Variants in GRIN2D observed in about 807,000 individuals in gnomAD.
GRIN2D encodes glutamate ionotropic receptor NMDA type subunit 2D.
A neutral mutation model predicts 103.2 loss-of-function variants in GRIN2D; 37 were observed. The ratio of observed to expected loss-of-function variants is 0.36; its 90% confidence interval spans 0.28 to 0.47. GRIN2D has a LOEUF of 0.47. Ranked by LOEUF, GRIN2D falls within the 20% of genes least tolerant of loss-of-function variation. The pLI, the probability that GRIN2D is intolerant of heterozygous loss-of-function variation, is 1.00. For missense variants in GRIN2D, 1,557 were observed against 1,910.6 expected, an observed-to-expected ratio of 0.81 and a Z score of 3.45; for synonymous variants, 845 against 885.6, an observed-to-expected ratio of 0.95 and a Z score of 0.81.
Position 48,442,913 on chromosome 19 carries a change from C to G in GRIN2D, c.2987C>G (p.Ala996Gly). The G allele has an allele frequency of 9.0e-7, 1 of 1,108,646 alleles. No individual in the cohort carries two copies. Among genetic ancestry groups the G allele is most frequent in the African/African-American group, 1.7e-5 (1 of 59,230 alleles). 68.7% of individuals were successfully genotyped at this position (1,108,646 alleles called of 1,614,324 possible). The change falls in exon 14 of 14, where the codon GCC becomes GGC. Residue 996 changes from alanine (A) to glycine (G), a missense_variant. Physicochemically the swap from Ala to Gly is moderately conservative, Grantham distance 60. Coordinates refer to ENST00000263269, the MANE Select transcript of GRIN2D (RefSeq NM_000836.4). The surrounding 1 kb of genome is among the most constrained non-coding windows in gnomAD (Gnocchi z 7.2). ...GCCGGGCGCCCGCTGTCCCCGCCGGCCGCTCAGCCCCCGCAGAAGCCGCCG... is the reference window on the plus strand; with the variant it reads ...GCCGGGCGCCCGCTGTCCCCGCCGGGCGCTCAGCCCCCGCAGAAGCCGCCG... Reference protein sequence around the residue: ...GAAGRPLSPPAAQPPQKPPPS... With the variant: ...GAAGRPLSPPGAQPPQKPPPS...
At chr19:48,415,912 G>A in intron 7 of GRIN2D, 90 bp from the exon 8 acceptor site, 1 of 1,192,300 alleles carries the variant, frequency 8.4e-7, no homozygotes, top group Non-Finnish European at 1.2e-6. Flanking sequence ...TCACTGGTCT[G>A]CTCCCGGGGC....
rs1305452751 is a variant in GRIN2D at position 48,421,952 on chromosome 19, G to A, written c.2252+7G>A. Reference sequence around the variant, plus strand: ...TCACTCAGCTCAAGGCAGGGTCAGCGCAGACTCGGGCCGGGGGTGGGGGTT... The same window carrying A: ...TCACTCAGCTCAAGGCAGGGTCAGCACAGACTCGGGCCGGGGGTGGGGGTT... On this transcript the variant is annotated splice_region_variant and intron_variant, in intron 11 of 13. Coordinates refer to ENST00000263269, the MANE Select transcript of GRIN2D (RefSeq NM_000836.4). This position sits in a 1 kb window ranked among gnomAD's most constrained non-coding sequence, Gnocchi z 4.8. 8 of 1,612,788 alleles carry A rather than the reference G, an allele frequency of 5.0e-6. No individual in the cohort carries two copies. The highest frequency in any genetic ancestry group is 4.5e-5 in the East Asian group (2 of 44,860).
intron 11 of GRIN2D, among the ~76,000 whole-genome samples, chr19:48,438,287 CTTTTTTTTTT>C (rs71181697): frequency 3.8e-4 from 22 of 57,754 alleles, no homozygotes; most frequent in Admixed American, 1.7e-3. Context: ...ATCCAGCCGC[CTTTTTTTTTT>C]TTTTTTTTTT....
chr19:48,405,081 C>T lies in GRIN2D; in HGVS notation c.813C>T (p.Val271=). Residue 271 remains valine (V), a synonymous_variant, in exon 4 of 14, where the codon GTC becomes GTT. Coordinates refer to ENST00000263269, the MANE Select transcript of GRIN2D (RefSeq NM_000836.4). The surrounding 1 kb of genome is among the most constrained non-coding windows in gnomAD (Gnocchi z 5.1). The stretch of plus-strand genomic sequence containing the variant: ...CTGGCCTCACTGGATCTGGCTACGT[C>T]TGGTTCATGGTGGGGCCCCAGCTGG... ...EEAGLTGSGY[V]WFMVGPQLAG... 3.1e-6 allele frequency: 5 copies of T among 1,600,928 alleles called. No individual in the cohort carries two copies. The highest frequency in any genetic ancestry group is 4.3e-6 in the Non-Finnish European group (5 of 1,173,294).
rs537080380 is a variant in GRIN2D at position 48,441,277 on chromosome 19, C to T, written c.2253-492C>T. 2.2e-3 allele frequency among the ~76,000 whole-genome samples: 324 copies of T among 149,894 alleles called. 2 individuals carry two copies. Among genetic ancestry groups the T allele is most frequent in the South Asian group, 0.013 (62 of 4,742 alleles). On this transcript the variant is annotated intron_variant, in intron 11 of 13. Coordinates refer to ENST00000263269, the MANE Select transcript of GRIN2D (RefSeq NM_000836.4). ...ACTTGGGAGGCTGAGGCAGGAGAAT[C>T]GCTTGAACCCAGGAGTCGGATCTTG...
Position 48,424,111 on chromosome 19 carries a change from G to A in GRIN2D, c.2252+2166G>A, listed in dbSNP as rs201918243. 2.6e-5 allele frequency among the ~76,000 whole-genome samples: 4 copies of A among 150,952 alleles called. No individual in the cohort carries two copies. The East Asian group carries it at 7.8e-4, about 29-fold the overall frequency. ...TGGGATTAGAGGCGTGAGCCACCAT[G>A]CCTGGCTTAAAAAAATTTCTAATGC... On this transcript the variant is annotated intron_variant, in intron 11 of 13. Transcript: ENST00000263269.
chr19:48,423,593 C>G (rs75624060), intron 11 of GRIN2D, among the ~76,000 whole-genome samples: 1,526 of 151,812 alleles, frequency 0.01, 22 homozygotes, highest in African/African-American at 0.035. Flanking sequence ...AGCCTTCAGA[C>G]GGAGGGAACA....
In GRIN2D at chr19:48,443,646, C is replaced by A. The variant is rs1971338008; in HGVS notation, c.3720C>A (p.His1240Gln). The A allele has an allele frequency of 9.0e-7, 1 of 1,111,112 alleles. No individual in the cohort carries two copies. Among genetic ancestry groups the A allele is most frequent in the Non-Finnish European group, 1.1e-6 (1 of 914,506 alleles). 68.8% of individuals were successfully genotyped at this position (1,111,112 alleles called of 1,614,324 possible). A position where few individuals can be genotyped will look rare whatever the true frequency, so the allele number is the denominator to read the frequency against. Reference sequence around the variant, plus strand: ...ACCCGCACCGCCCGCGGGCCTCGCACCGCACGCCCGCCGCCGCCGCGCCCC... The same window carrying A: ...ACCCGCACCGCCCGCGGGCCTCGCAACGCACGCCCGCCGCCGCCGCGCCCC... ...RSHPHRPRAS[H>Q]RTPAAAAPHH... The change falls in exon 14 of 14, where the codon CAC becomes CAA. Residue 1240 changes from histidine to glutamine, a missense_variant. Transcript: ENST00000263269. This position sits in a 1 kb window ranked among gnomAD's most constrained non-coding sequence, Gnocchi z 8.9.
chr19:48,429,113 C>T (rs537047805), intron 11 of GRIN2D, among the ~76,000 whole-genome samples: 2 of 152,190 alleles, frequency 1.3e-5, no homozygotes, highest in Non-Finnish European at 2.9e-5. Flanking sequence ...CTGCTGAATT[C>T]TTTTTCTCCA....
chr19:48,398,878 G>C (rs1400508105), intron 3 of GRIN2D, 21 bp downstream of exon 3: 4 of 1,321,626 alleles, frequency 3.0e-6, no homozygotes, highest in Non-Finnish European at 2.9e-6. Context: ...CCGGGGCGGG[G>C]CGGGGCCACA....
rs1050095610 is a variant in GRIN2D, at chr19:48,410,074, T to C, written c.1086-3917T>C. On this transcript the variant is annotated intron_variant, in intron 4 of 13. Coordinates refer to ENST00000263269, the MANE Select transcript of GRIN2D (RefSeq NM_000836.4). ...TGCTGGGATTACAGGCGTGAACCAC[T>C]GCGCCCAGCCTGGACTTGATTCTGA... 4.0e-5 allele frequency among the ~76,000 whole-genome samples: 6 copies of C among 150,792 alleles called. No homozygotes were observed. The East Asian group carries it at 8.0e-4, about 20-fold the overall frequency.
chr19:48,407,662 G>C (rs59991725), intron 4 of GRIN2D, among the ~76,000 whole-genome samples: 1 of 152,152 alleles, frequency 6.6e-6, no homozygotes, highest in South Asian at 2.1e-4. Flanking sequence ...GCCAAGCATT[G>C]CTTTAGGCAC....
In GRIN2D at chr19:48,443,746, G is replaced by A. The variant is rs1342624497; in HGVS notation, c.3820G>A (p.Asp1274Asn). The change falls in exon 14 of 14, where the codon GAC (aspartate) becomes AAC (asparagine). Residue 1274 changes from aspartate (D) to asparagine (N), a missense_variant. By Grantham distance (23) the Asp-to-Asn change is conservative (BLOSUM62 1). Coordinates refer to ENST00000263269, the MANE Select transcript of GRIN2D (RefSeq NM_000836.4). This position sits in a 1 kb window ranked among gnomAD's most constrained non-coding sequence, Gnocchi z 8.9. ...PPAPTSRSLE[D>N]LSSCPRAAPA... ...CGCGCCCACCTCGCGCTCGCTCGAG[G>A]ACCTCAGCTCGTGCCCTCGCGCCGC... 7.1e-7 allele frequency: 1 copy of A among 1,409,350 alleles called. No individual in the cohort carries two copies. Among genetic ancestry groups the A allele is most frequent in the Admixed American group, 3.1e-5 (1 of 32,786 alleles). 87.3% of individuals were successfully genotyped at this position (1,409,350 alleles called of 1,614,324 possible). A position where few individuals can be genotyped will look rare whatever the true frequency, so the allele number is the denominator to read the frequency against.
At position 48,398,740 on chromosome 19, in the gene GRIN2D, C is replaced by A. The variant is rs1970673628; in HGVS notation, c.348C>A (p.Val116=). 4 of 1,466,670 alleles carry A rather than the reference C, an allele frequency of 2.7e-6. No homozygotes were observed. Among genetic ancestry groups the A allele is most frequent in the Non-Finnish European group, 3.6e-6 (4 of 1,115,406 alleles). The allele number at this position is 1,466,670 out of a possible 1,614,324, so 90.9% of individuals were successfully genotyped here. The change falls in exon 3 of 14, where the codon GTC becomes GTA. Residue 116 remains valine (V), a synonymous_variant. Coordinates refer to ENST00000263269, the MANE Select transcript of GRIN2D (RefSeq NM_000836.4). The stretch of plus-strand genomic sequence containing the variant: ...CGGGGTTGCGCGTGCACGGCGTGGT[C>A]TTCGAAGACGACTCGCGCGCGCCCG... ...LLSGLRVHGV[V]FEDDSRAPAV...
intron 4 of GRIN2D, among the ~76,000 whole-genome samples, chr19:48,406,133 C>A (rs1022839997): frequency 1.3e-5 from 2 of 152,176 alleles, no homozygotes; most frequent in African/African-American, 4.8e-5. Flanking sequence ...ATTAGCTAGA[C>A]GCCTATTCTG....
In GRIN2D at chr19:48,421,306, T is replaced by C. The variant is rs998229024; in HGVS notation, c.2092-479T>C. 5.3e-5 allele frequency among the ~76,000 whole-genome samples: 8 copies of C among 151,940 alleles called. No homozygotes were observed. The highest frequency in any genetic ancestry group is 5.3e-4 in the Admixed American group (8 of 15,228). Reference sequence around the variant, plus strand: ...GGCTGGGCATGGTGGTATGTGCCTGTAATCCCAGCTACTCGGGAGGCTGAG... The same window carrying C: ...GGCTGGGCATGGTGGTATGTGCCTGCAATCCCAGCTACTCGGGAGGCTGAG... On this transcript the variant is annotated intron_variant, in intron 10 of 13. Coordinates refer to ENST00000263269, the MANE Select transcript of GRIN2D (RefSeq NM_000836.4). This position sits in a 1 kb window ranked among gnomAD's most constrained non-coding sequence, Gnocchi z 4.8.
intron 11 of GRIN2D, among the ~76,000 whole-genome samples, chr19:48,426,224 C>CTTTCTTTTTTTTTTTTTTTTTTTT (rs1555893889): frequency 1.7e-5 from 2 of 120,118 alleles, no homozygotes; most frequent in African/African-American, 7.2e-5. Flanking sequence ...TTCTTTCTTT[C>CTTTCTTTTTTTTTTTTTTTTTTTT]TTTTTTTTTT....
At position 48,442,492 on chromosome 19, in the gene GRIN2D, G is replaced by C; in HGVS notation, c.2674-108G>C. 6.6e-7 allele frequency: 1 copy of C among 1,513,926 alleles called. No individual in the cohort carries two copies. The allele number at this position is 1,513,926 out of a possible 1,614,324, so 93.8% of individuals were successfully genotyped here. A position where few individuals can be genotyped will look rare whatever the true frequency, so the allele number is the denominator to read the frequency against. On this transcript the variant is annotated intron_variant, in intron 13 of 13. Coordinates refer to ENST00000263269, the MANE Select transcript of GRIN2D (RefSeq NM_000836.4). This position sits in a 1 kb window ranked among gnomAD's most constrained non-coding sequence, Gnocchi z 7.2. ...GTCGAGATGTGGATAGTGGGGAAGA[G>C]AGCGGGAAACACAGGCGGGTAAATG...
At chr19:48,402,783 A>AGAGAGAGG (rs1265174833) in intron 3 of GRIN2D, among the ~76,000 whole-genome samples, 2 of 147,694 alleles carry the variant, frequency 1.4e-5, no homozygotes, top group Non-Finnish European at 1.5e-5. Flanking sequence ...AGAGAGAGAG[A>AGAGAGAGG]GAGAGAGAGA....
Sources: allele counts gnomAD v4.1 joint callset (sites outside exome capture counted in the v4.1 genomes callset), GRCh38; gene constraint gnomAD v4.1.1; non-coding constraint Gnocchi (gnomAD v3.1); transcripts MANE v1.5; gene names NCBI Gene and HGNC (gene_info 2026-07-23, HGNC 2026-07-21).